ZBTB43: variants seen among roughly 807,000 people sequenced by gnomAD.
ZBTB43 encodes the protein zinc finger and BTB domain-containing protein 43.
ZBTB43 carries 6 observed loss-of-function variants against 31.1 expected under a neutral mutation model. That is an observed-to-expected ratio of 0.19 (90% confidence interval 0.11 to 0.38). The LOEUF is 0.38. Among genes scored for constraint, ZBTB43 ranks in the 10% least tolerant of loss-of-function variants. ZBTB43 has a pLI of 1.00. For missense variants in ZBTB43, 379 were observed against 602.1 expected (o/e 0.63, Z 3.88); for synonymous variants, 212 against 221.7 (o/e 0.96, Z 0.39).
Position 126,833,028 on chromosome 9 carries a change from T to G in ZBTB43, c.519T>G (p.Asp173Glu). The change falls in exon 3 of 3, where the codon GAT (aspartate) becomes GAG (glutamate). Residue 173 changes from aspartate to glutamate, a missense_variant. Physicochemically the swap from Asp to Glu is conservative, Grantham distance 45. Transcript: ENST00000373464. This position sits in a 1 kb window ranked among gnomAD's most constrained non-coding sequence, Gnocchi z 7.9. ...TDFPKAQELR[D>E]GENEEESTKD... The stretch of plus-strand genomic sequence containing the variant: ...TTCCCAAAGCCCAAGAACTGAGAGA[T>G]GGTGAAAATGAAGAGGAGAGCACCA... The G allele has an allele frequency of 6.2e-7, 1 of 1,613,736 alleles. No individual in the cohort carries two copies. Among genetic ancestry groups the G allele is most frequent in the Non-Finnish European group, 8.5e-7 (1 of 1,179,976 alleles).
Position 126,832,820 on chromosome 9 carries a change from T to C in ZBTB43, c.311T>C (p.Leu104Ser). Residue 104 changes from leucine to serine, a missense_variant, in exon 3 of 3, where the codon TTG becomes TCG. By Grantham distance (145) the Leu-to-Ser change is moderately radical (BLOSUM62 -2). Around this residue, in one of 5 missense-constraint regions of ZBTB43, gnomAD observed 79 missense variants for 134.4 expected, o/e 0.59. Coordinates refer to ENST00000373464, the MANE Select transcript of ZBTB43 (RefSeq NM_014007.4). ...VMPAPEIVSY[L>S]TAASFLQMWH... Reference sequence around the variant, plus strand: ...CCCGCTCCAGAAATTGTTAGTTACTTGACAGCGGCAAGCTTCCTCCAGATG... The same window carrying C: ...CCCGCTCCAGAAATTGTTAGTTACTCGACAGCGGCAAGCTTCCTCCAGATG... 1 of 1,614,162 alleles carries C rather than the reference T, an allele frequency of 6.2e-7. No individual in the cohort carries two copies. Among genetic ancestry groups the C allele is most frequent in the Non-Finnish European group, 8.5e-7 (1 of 1,180,030 alleles).
intron 2 of ZBTB43, among the ~76,000 whole-genome samples, chr9:126,812,224 C>G (rs528942883): frequency 6.6e-6 from 1 of 152,022 alleles, no homozygotes; most frequent in Non-Finnish European, 1.5e-5. Flanking sequence ...AAGTGCCAGC[C>G]GTGTTGTCAC....
rs1012080064 is a variant in ZBTB43 at position 126,834,180 on chromosome 9, A to C, written c.*267A>C. The C allele has an allele frequency of 2.7e-5, 9 of 334,970 alleles. No individual in the cohort carries two copies. The highest frequency in any genetic ancestry group is 4.0e-5 in the Non-Finnish European group (7 of 173,522). The allele number at this position is 334,970 out of a possible 1,614,324, so 20.7% of individuals were successfully genotyped here. On this transcript the variant is annotated 3_prime_UTR_variant, in exon 3 of 3. Transcript: ENST00000373464. ...AAGGGAAACCTTCTGACTGGTTGTGATCGAAACAGGTGGACAGAGACACCT... is the reference window on the plus strand; with the variant it reads ...AAGGGAAACCTTCTGACTGGTTGTGCTCGAAACAGGTGGACAGAGACACCT...
chr9:126,829,263 A>G (rs1383534530), intron 2 of ZBTB43, among the ~76,000 whole-genome samples: 2 of 152,210 alleles, frequency 1.3e-5, no homozygotes, highest in Non-Finnish European at 2.9e-5. Context: ...GGCTATGTCA[A>G]ATGCACAGCC....
chr9:126,829,106 G>A (rs2032713153), intron 2 of ZBTB43, among the ~76,000 whole-genome samples: 1 of 152,124 alleles, frequency 6.6e-6, no homozygotes, highest in Non-Finnish European at 1.5e-5. Flanking sequence ...GTGAGGGTGT[G>A]ACTTGGTGCA....
chr9:126,817,100 C>CTTTTTTTTTTTTTT (rs780632905), intron 2 of ZBTB43, among the ~76,000 whole-genome samples: 2 of 55,320 alleles, frequency 3.6e-5, no homozygotes, highest in African/African-American at 1.4e-4. Context: ...TCCACTGTAT[C>CTTTTTTTTTTTTTT]TTTTTTTTTT....
intron 2 of ZBTB43, among the ~76,000 whole-genome samples, chr9:126,811,980 T>G (rs769821701): frequency 4.8e-5 from 7 of 145,090 alleles, no homozygotes; most frequent in African/African-American, 1.9e-4. Context: ...AATAAAGAGG[T>G]TTTTTTTTTG....
At chr9:126,815,071 T>C (rs895606046) in intron 2 of ZBTB43, among the ~76,000 whole-genome samples, 1 of 151,752 alleles carries the variant, frequency 6.6e-6, no homozygotes, top group Admixed American at 6.6e-5. Context: ...TTTCTTGTGC[T>C]TGGAGTTTGT....
At chr9:126,813,141 C>T (rs1044968340) in intron 2 of ZBTB43, among the ~76,000 whole-genome samples, 5 of 151,906 alleles carry the variant, frequency 3.3e-5, no homozygotes, top group South Asian at 4.2e-4. Context: ...CCACCACGCC[C>T]GGCTAACTTT....
At position 126,832,813 on chromosome 9, in the gene ZBTB43, A is replaced by T; in HGVS notation, c.304A>T (p.Ser102Cys). The T allele has an allele frequency of 6.2e-7, 1 of 1,614,160 alleles. No homozygotes were observed. Among genetic ancestry groups the T allele is most frequent in the Non-Finnish European group, 8.5e-7 (1 of 1,180,034 alleles). ...AGTAATGCCCGCTCCAGAAATTGTTAGTTACTTGACAGCGGCAAGCTTCCT... is the reference window on the plus strand; with the variant it reads ...AGTAATGCCCGCTCCAGAAATTGTTTGTTACTTGACAGCGGCAAGCTTCCT... ...RLVMPAPEIV[S>C]YLTAASFLQM... Residue 102 changes from serine to cysteine, a missense_variant, in exon 3 of 3, where the codon AGT becomes TGT. Ser to Cys is a moderately radical substitution (Grantham distance 112). Transcript: ENST00000373464.
intron 2 of ZBTB43, among the ~76,000 whole-genome samples, chr9:126,822,377 C>T (rs1339010797): frequency 1.4e-4 from 21 of 152,166 alleles, no homozygotes; most frequent in Admixed American, 1.4e-3. Flanking sequence ...TATCAAACAG[C>T]ATTGCATGCT....
chr9:126,815,049 G>GT (rs1564200957), intron 2 of ZBTB43, among the ~76,000 whole-genome samples: 1 of 151,450 alleles, frequency 6.6e-6, no homozygotes, highest in African/African-American at 2.4e-5. Context: ...CCTTGCTGTA[G>GT]TTTTTTTCAT....
At chr9:126,805,414 C>T (rs1330462582) in intron 1 of ZBTB43, among the ~76,000 whole-genome samples, 1 of 152,204 alleles carries the variant, frequency 6.6e-6, no homozygotes, top group Non-Finnish European at 1.5e-5. Flanking sequence ...CCGCCGGCCA[C>T]AGCGCTTAGA....
chr9:126,819,691 A>G (rs933020529), intron 2 of ZBTB43, among the ~76,000 whole-genome samples: 1 of 152,196 alleles, frequency 6.6e-6, no homozygotes, highest in Non-Finnish European at 1.5e-5. Context: ...AGGAGGAGTC[A>G]TATGCTTCTT....
chr9:126,812,119 C>G (rs1424136034), intron 2 of ZBTB43, among the ~76,000 whole-genome samples: 1 of 152,182 alleles, frequency 6.6e-6, no homozygotes, highest in African/African-American at 2.4e-5. Context: ...CTTTCTGTCT[C>G]TATGGATTTG....
intron 2 of ZBTB43, among the ~76,000 whole-genome samples, chr9:126,829,110 T>C (rs2032713255): frequency 6.6e-6 from 1 of 152,134 alleles, no homozygotes; most frequent in Non-Finnish European, 1.5e-5. Flanking sequence ...GGGTGTGACT[T>C]GGTGCAGGCT....
intron 2 of ZBTB43, among the ~76,000 whole-genome samples, chr9:126,818,670 A>G (rs2032446350): frequency 6.6e-6 from 1 of 152,052 alleles, no homozygotes; most frequent in South Asian, 2.1e-4. Context: ...TGTTACATTG[A>G]TTGATTTCAT....
intron 2 of ZBTB43, among the ~76,000 whole-genome samples, chr9:126,817,488 T>G (rs1458447726): frequency 6.6e-6 from 1 of 150,790 alleles, no homozygotes; most frequent in Non-Finnish European, 1.5e-5. Flanking sequence ...TTTTTTTTTT[T>G]TTTTTGAGAC....
intron 2 of ZBTB43, among the ~76,000 whole-genome samples, chr9:126,816,799 C>T (rs1044160546): frequency 3.3e-5 from 5 of 152,194 alleles, no homozygotes; most frequent in African/African-American, 9.6e-5. Flanking sequence ...TACTAGGACC[C>T]TCTGTTGTCT....
Sources: allele counts gnomAD v4.1 joint callset (sites outside exome capture counted in the v4.1 genomes callset), GRCh38; gene constraint gnomAD v4.1.1; regional missense constraint gnomAD v4.1.1; non-coding constraint Gnocchi (gnomAD v3.1); transcripts MANE v1.5; gene names NCBI Gene and HGNC (gene_info 2026-07-23, HGNC 2026-07-21).